CLPX: variants seen among roughly 807,000 people sequenced by gnomAD.
CLPX encodes ATP-dependent clpX-like chaperone, mitochondrial.
CLPX carries 34 observed loss-of-function variants against 76.4 expected under a neutral mutation model. The observed-to-expected ratio is 0.45, with a 90% CI of 0.34 to 0.59. The LOEUF (loss-of-function observed/expected upper bound fraction) is 0.59, where lower values mean the gene tolerates loss of function less well. Ranked by LOEUF, CLPX falls within the 20% of genes least tolerant of loss-of-function variation. The pLI is 0.01. For synonymous variants in CLPX, 248 were observed against 270.9 expected, an observed-to-expected ratio of 0.92 and a Z score of 0.83; for missense variants, 613 against 757.0, an observed-to-expected ratio of 0.81 and a Z score of 2.23.
intron 1 of CLPX, chr15:65,184,428 A>G (rs1048395478): frequency 1.3e-5 from 2 of 151,950 alleles, no homozygotes; most frequent in African/African-American, 4.8e-5. Flanking sequence ...TTCCGAACCA[A>G]CTCCTGCGGG....
chr15:65,156,115 T>G (rs949940217), intron 9 of CLPX, among the ~76,000 whole-genome samples: 2 of 152,220 alleles, frequency 1.3e-5, no homozygotes, highest in Non-Finnish European at 2.9e-5. Flanking sequence ...TTGTTTTTGA[T>G]AGTAAAGACA....
At chr15:65,183,960 A>C (rs1247026607) in intron 1 of CLPX, among the ~76,000 whole-genome samples, 2 of 152,262 alleles carry the variant, frequency 1.3e-5, no homozygotes, top group Non-Finnish European at 2.9e-5. Flanking sequence ...CTACTGGTTG[A>C]GGCTTAACAT....
chr15:65,182,382 TGAA>T (rs1256557342), intron 1 of CLPX, among the ~76,000 whole-genome samples: 22 of 152,320 alleles, frequency 1.4e-4, no homozygotes, highest in African/African-American at 4.8e-4. Context: ...CAAATTATAA[TGAA>T]GTAGTTATCA....
chr15:65,157,432 C>T (rs1461500273), intron 8 of CLPX, among the ~76,000 whole-genome samples: 1 of 152,128 alleles, frequency 6.6e-6, no homozygotes. Flanking sequence ...CTCCCTTGCC[C>T]CTGCCCTGTC....
intron 4 of CLPX, among the ~76,000 whole-genome samples, chr15:65,165,637 G>A (rs1273472989): frequency 9.9e-5 from 15 of 151,526 alleles, no homozygotes; most frequent in Admixed American, 7.9e-4. Context: ...CGCCCGCCTC[G>A]GCCTCCCAAA....
chr15:65,155,632 A>T lies in CLPX; in HGVS notation c.1311+60T>A. ...GTAGCCCGCAGATATGAGAATGGAA[A>T]CTGAGTGTACATCCTTTAAATGCTC... is the stretch of plus-strand genomic sequence containing the variant. On this transcript the variant is annotated intron_variant, in intron 10 of 13. Transcript: ENST00000300107. The T allele has an allele frequency of 2.2e-6, 3 of 1,373,770 alleles. No individual in the cohort carries two copies. In the South Asian group the frequency reaches 3.8e-5, roughly 17 times the overall value. The allele number at this position is 1,373,770 out of a possible 1,614,324, so 85.1% of individuals were successfully genotyped here. A position where few individuals can be genotyped will look rare whatever the true frequency, so the allele number is the denominator to read the frequency against.
intron 13 of CLPX, 108 bp downstream of exon 13, chr15:65,152,322 A>C (rs2087731734): frequency 2.4e-6 from 1 of 416,544 alleles, no homozygotes; most frequent in Non-Finnish European, 4.2e-6. Context: ...TGCTTCCCTT[A>C]GAAATATAAT....
At chr15:65,171,579 G>C (rs1295205749) in intron 3 of CLPX, among the ~76,000 whole-genome samples, 1 of 152,170 alleles carries the variant, frequency 6.6e-6, no homozygotes, top group Non-Finnish European at 1.5e-5. Flanking sequence ...AAGCATCTGT[G>C]ACTAACACAA....
chr15:65,185,216 C>T lies in CLPX; in HGVS notation c.-63G>A. 7.1e-7 allele frequency: 1 copy of T among 1,401,888 alleles called. No individual in the cohort carries two copies. The highest frequency in any genetic ancestry group is 9.8e-7 in the Non-Finnish European group (1 of 1,018,226). The allele number at this position is 1,401,888 out of a possible 1,614,324, so 86.8% of individuals were successfully genotyped here. A position where few individuals can be genotyped will look rare whatever the true frequency, so the allele number is the denominator to read the frequency against. The stretch of plus-strand genomic sequence containing the variant: ...ACCTCCGGGTCACAGCGGCGTGAAT[C>T]CTGCCCGCAAGGCGCGCTGACTCGG... On this transcript the variant is annotated 5_prime_UTR_variant, in exon 1 of 14. Transcript: ENST00000300107.
intron 10 of CLPX, 152 bp downstream of exon 10, chr15:65,155,540 C>A: frequency 1.5e-6 from 1 of 674,396 alleles, no homozygotes. Context: ...TGAGTCACCG[C>A]ACCCTTCCCT....
At chr15:65,155,565 T>C (rs768670450) in intron 10 of CLPX, 127 bp downstream of exon 10, 686 of 781,146 alleles carry the variant, frequency 8.8e-4, no homozygotes, top group Non-Finnish European at 1.2e-3. Context: ...ATTTCTGATA[T>C]GCTCTAAGAA....
chr15:65,171,458 A>C (rs897311210), intron 3 of CLPX, among the ~76,000 whole-genome samples: 2 of 152,156 alleles, frequency 1.3e-5, no homozygotes, highest in East Asian at 1.9e-4. Flanking sequence ...AAAAAAAAAA[A>C]AACATTTCGG....
intron 7 of CLPX, 162 bp from the exon 8 acceptor site, chr15:65,158,072 C>T (rs2051757759): frequency 1.7e-6 from 1 of 578,074 alleles, no homozygotes; most frequent in South Asian, 2.4e-5. Flanking sequence ...CTTGCTCTGT[C>T]ACCCAGGCTG....
At chr15:65,159,101 G>A (rs2087823111) in intron 6 of CLPX, among the ~76,000 whole-genome samples, 1 of 152,164 alleles carries the variant, frequency 6.6e-6, no homozygotes. Context: ...CTAAGTAGAA[G>A]CTACATGATC....
At chr15:65,156,208 G>A (rs1310386553) in intron 9 of CLPX, among the ~76,000 whole-genome samples, 1 of 152,124 alleles carries the variant, frequency 6.6e-6, no homozygotes, top group African/African-American at 2.4e-5. Context: ...GAAAATAGTT[G>A]AAGATATGTC....
rs1001424545 is a variant in CLPX, at chr15:65,154,588, C to T, written c.1611+194G>A. On this transcript the variant is annotated intron_variant, in intron 11 of 13. Transcript: ENST00000300107. ...TTAGGCTATAATGATGGTTTTAATT[C>T]AGAAAAAATAAAGACAACTCCTAAA... The T allele has an allele frequency of 5.6e-6, 3 of 540,182 alleles. No homozygotes were observed. In the African/African-American group the frequency reaches 5.7e-5, roughly 10 times the overall value. 33.5% of individuals were successfully genotyped at this position (540,182 alleles called of 1,614,324 possible). A position where few individuals can be genotyped will look rare whatever the true frequency, so the allele number is the denominator to read the frequency against.
chr15:65,180,327 G>C (rs1206034389), intron 1 of CLPX, 123 bp from the exon 2 acceptor site: 1 of 645,052 alleles, frequency 1.6e-6, no homozygotes, highest in African/African-American at 1.8e-5. Flanking sequence ...AGTATAAACT[G>C]AGAGAAAAAA....
In CLPX at chr15:65,150,025, T is replaced by G. The variant is rs927197119; in HGVS notation, c.*798A>C. 6.6e-6 allele frequency: 1 copy of G among 152,300 alleles called. No homozygotes were observed. Among genetic ancestry groups the G allele is most frequent in the African/African-American group, 2.4e-5 (1 of 41,444 alleles). The allele number at this position is 152,300 out of a possible 1,614,324, so 9.4% of individuals were successfully genotyped here. On this transcript the variant is annotated 3_prime_UTR_variant, in exon 14 of 14. Coordinates refer to ENST00000300107, the MANE Select transcript of CLPX (RefSeq NM_006660.5). ...TATAGTTCTTCAGGGTATTTTTCAATGAAATGTTTAACTACTTGAAAACTA... is the reference window on the plus strand; with the variant it reads ...TATAGTTCTTCAGGGTATTTTTCAAGGAAATGTTTAACTACTTGAAAACTA...
chr15:65,156,142 A>G (rs1310892455), intron 9 of CLPX, among the ~76,000 whole-genome samples: 2 of 152,256 alleles, frequency 1.3e-5, no homozygotes, highest in African/African-American at 4.8e-5. Context: ...TGACATAAAC[A>G]CAGAATTATG....
Sources: gnomAD v4.1 joint callset for allele counts (sites outside exome capture counted in the v4.1 genomes callset) on GRCh38, gnomAD v4.1.1 for gene constraint, MANE v1.5 for transcripts, NCBI Gene and HGNC (gene_info 2026-07-23, HGNC 2026-07-21) for gene names.